Variants in AGAP3 observed in about 807,000 individuals in gnomAD.
AGAP3 encodes arf-GAP with GTPase, ANK repeat and PH domain-containing protein 3.
Under a neutral mutation model 96.9 loss-of-function variants are expected in AGAP3, and 24 were observed. The observed-to-expected ratio is 0.25, with a 90% confidence interval of 0.18 to 0.35. AGAP3 has a LOEUF of 0.35. Among genes scored for constraint, AGAP3 ranks in the 10% least tolerant of loss-of-function variants. AGAP3 has a pLI of 1.00. For synonymous variants in AGAP3, 563 were observed against 536.1 expected, an observed-to-expected ratio of 1.05 and a Z score of -0.69; for missense variants, 876 against 1,254.2, an observed-to-expected ratio of 0.70 and a Z score of 4.55.
rs112088635 is a variant in AGAP3 at position 151,124,114 on chromosome 7, C to T, written c.1221+228C>T. ...CTCTGCCTGTACCTTCTGATCACCA[C>T]CGGAGGGCAGCAGAGAGCTACCTGC... On this transcript the variant is annotated intron_variant, in intron 9 of 17. Transcript: ENST00000397238. Among the ~76,000 whole-genome samples, 412 of 152,332 alleles carry T rather than the reference C, an allele frequency of 2.7e-3. 1 individual carries two copies. Among genetic ancestry groups the T allele is most frequent in the African/African-American group, 9.3e-3 (387 of 41,568 alleles).
chr7:151,134,345 G>C (rs1268222408), intron 10 of AGAP3, 55 bp from the exon 11 acceptor site: 6 of 1,598,154 alleles, frequency 3.8e-6, no homozygotes, highest in Middle Eastern at 1.7e-4. Context: ...AAGGCTCAAC[G>C]CTGGAGTGAC....
chr7:151,138,145 GC>G lies in AGAP3; in HGVS notation c.1504del (p.His502ThrfsTer189). ...AGTCTGACCCTTCCCGCCCCCAGGTGCCCCCCACTCGGCCAGCAGCGCATCC... is the reference window on the plus strand; with the variant it reads ...AGTCTGACCCTTCCCGCCCCCAGGTGCCCCCACTCGGCCAGCAGCGCATCC... ...SNTQLGGGTG[A>X]PHSASSASLH... On this transcript the variant is annotated frameshift_variant, in exon 12 of 18. Transcript: ENST00000397238. LOFTEE classifies it high-confidence loss of function. 6.3e-7 allele frequency: 1 copy of G among 1,593,068 alleles called. No homozygotes were observed.
intron 8 of AGAP3, chr7:151,123,543 T>A (rs1800020775): frequency 1.5e-6 from 2 of 1,321,540 alleles, no homozygotes; most frequent in African/African-American, 1.5e-5. Context: ...GCCCTCGGCC[T>A]CTCTGTCCTT....
intron 1 of AGAP3, among the ~76,000 whole-genome samples, chr7:151,111,075 G>A (rs947715629): frequency 6.6e-6 from 1 of 152,170 alleles, no homozygotes; most frequent in African/African-American, 2.4e-5. Context: ...CCAACTTGGA[G>A]AGCCTGCTGG....
At position 151,138,201 on chromosome 7, in the gene AGAP3, G is replaced by C; in HGVS notation, c.1554G>C (p.Ser518=). Residue 518 remains serine (S), a synonymous_variant, in exon 12 of 18, where the codon TCG becomes TCC. Coordinates refer to ENST00000397238, the MANE Select transcript of AGAP3 (RefSeq NM_031946.7). ...SLHSERPLSS[S]AWAGPRPEGL... ...ACTCTGAGCGCCCCCTCAGCAGCTC[G>C]GCCTGGGCTGGCCCGCGCCCTGAGG... is the stretch of plus-strand genomic sequence containing the variant. The C allele has an allele frequency of 1.9e-6, 3 of 1,610,726 alleles. No homozygotes were observed. The highest frequency in any genetic ancestry group is 2.2e-5 in the East Asian group (1 of 44,752).
rs2150412281 is a variant in AGAP3, at chr7:151,096,043, A to G, written c.331+8971A>G. Among the ~76,000 whole-genome samples the G allele has an allele frequency of 6.6e-6, 1 of 152,342 alleles. No individual in the cohort carries two copies. The highest frequency in any genetic ancestry group is 1.9e-4 in the East Asian group (1 of 5,178). ...AACCCCTCTGTGTCTTAGCTTCGCC[A>G]TTGGTAAAACATGGGCATCCGTTTC... On this transcript the variant is annotated intron_variant, in intron 1 of 17. Transcript: ENST00000397238. This position sits in a 1 kb window ranked among gnomAD's most constrained non-coding sequence, Gnocchi z 4.4.
At position 151,142,040 on chromosome 7, in the gene AGAP3, T is replaced by C. The variant is rs951756931; in HGVS notation, c.1947T>C (p.Ser649=). 1.2e-6 allele frequency: 2 copies of C among 1,613,692 alleles called. No individual in the cohort carries two copies. Among genetic ancestry groups the C allele is most frequent in the Admixed American group, 3.3e-5 (2 of 60,000 alleles). ...QILASLQGCR[S]AKDKTRLGNQ... ...TTGCCAGCCTGCAAGGCTGCCGCAG[T>C]GCCAAGGACAAGGTGGGTACAGAGT... The change falls in exon 14 of 18, where the codon AGT becomes AGC. Residue 649 remains serine (S), a synonymous_variant. Transcript: ENST00000397238. This position sits in a 1 kb window ranked among gnomAD's most constrained non-coding sequence, Gnocchi z 7.5.
rs1387617074 is a variant in AGAP3, at chr7:151,120,004, C to G, written c.987C>G (p.Gly329=). The G allele has an allele frequency of 6.2e-7, 1 of 1,613,102 alleles. No homozygotes were observed. Among genetic ancestry groups the G allele is most frequent in the African/African-American group, 1.3e-5 (1 of 74,932 alleles). ...GTCCTTAGGCCACGAATGGCGGCGG[C>G]AGCGCCTTCAGCGACTACTCGTCCT... is the stretch of plus-strand genomic sequence containing the variant. ...VHINQATNGG[G]SAFSDYSSSV... Residue 329 remains glycine, a synonymous_variant, in exon 8 of 18, where the codon GGC becomes GGG. Coordinates refer to ENST00000397238, the MANE Select transcript of AGAP3 (RefSeq NM_031946.7).
chr7:151,116,890 T>TGG (rs76473497), intron 2 of AGAP3, 39 bp downstream of exon 2: 86 of 1,609,860 alleles, frequency 5.3e-5, no homozygotes, highest in Admixed American at 2.5e-4. Context: ...GGCCTGGAGC[T>TGG]GGGGGGGCGA....
chr7:151,098,865 C>G (rs1271799640), intron 1 of AGAP3, among the ~76,000 whole-genome samples: 1 of 149,370 alleles, frequency 6.7e-6, no homozygotes, highest in Non-Finnish European at 1.5e-5. Flanking sequence ...TCCCGAGTAG[C>G]TGGGATTACA....
intron 1 of AGAP3, among the ~76,000 whole-genome samples, chr7:151,089,213 G>A (rs1040798544): frequency 1.1e-4 from 17 of 152,132 alleles, no homozygotes; most frequent in Non-Finnish European, 2.9e-5. Flanking sequence ...TCCTTCCTGC[G>A]ATAGAACTCC....
chr7:151,105,307 A>T (rs905527016), intron 1 of AGAP3, among the ~76,000 whole-genome samples: 1 of 152,200 alleles, frequency 6.6e-6, no homozygotes, highest in Non-Finnish European at 1.5e-5. Context: ...CTTACTGCAG[A>T]AAAACATAAA....
chr7:151,121,821 T>C (rs1192793838), intron 8 of AGAP3, among the ~76,000 whole-genome samples: 2 of 152,216 alleles, frequency 1.3e-5, no homozygotes, highest in Admixed American at 6.5e-5. Flanking sequence ...TCTGTGGGTG[T>C]ATCTCGGGAC....
chr7:151,116,470 C>T (rs989462710), intron 1 of AGAP3: 11 of 417,640 alleles, frequency 2.6e-5, no homozygotes, highest in African/African-American at 4.0e-5. Flanking sequence ...GCCACAGGGG[C>T]ACTAGGCCAG....
chr7:151,107,361 T>C (rs1430043629), intron 1 of AGAP3, among the ~76,000 whole-genome samples: 1 of 148,672 alleles, frequency 6.7e-6, no homozygotes, highest in African/African-American at 2.5e-5. Flanking sequence ...CGATGGCTCA[T>C]GCCTGTAATC....
At chr7:151,117,209 C>A (rs1799632473) in intron 3 of AGAP3, 27 bp downstream of exon 3, 2 of 1,606,970 alleles carry the variant, frequency 1.2e-6, no homozygotes, top group African/African-American at 2.7e-5. Flanking sequence ...CAGCCTGGGC[C>A]CTGAGGCCGG....
chr7:151,087,748 CGCACCCGGAGTCGG>C (rs150649666), intron 1 of AGAP3, among the ~76,000 whole-genome samples: 1,817 of 152,366 alleles, frequency 0.012, 34 homozygotes, highest in African/African-American at 0.041. Flanking sequence ...CCAGGGACAC[CGCACCCGGAGTCGG>C]GGACCGGAAA....
intron 1 of AGAP3, among the ~76,000 whole-genome samples, chr7:151,104,559 G>T (rs1290558154): frequency 6.6e-6 from 1 of 152,214 alleles, no homozygotes; most frequent in Admixed American, 6.5e-5. Flanking sequence ...AACATGAAAA[G>T]GCGCAACCTC....
chr7:151,138,147 C>T lies in AGAP3; in HGVS notation c.1500C>T (p.Ala500=), dbSNP rs1287437381. The T allele has an allele frequency of 1.9e-6, 3 of 1,595,782 alleles. No homozygotes were observed. In the Admixed American group the frequency reaches 5.2e-5, roughly 27 times the overall value. The change falls in exon 12 of 18, where the codon GCC becomes GCT. Residue 500 remains alanine, a synonymous_variant. Coordinates refer to ENST00000397238, the MANE Select transcript of AGAP3 (RefSeq NM_031946.7). ...SNTQLGGGTG[A]PHSASSASLH... is the part of the protein sequence containing the mutation. ...TCTGACCCTTCCCGCCCCCAGGTGC[C>T]CCCCACTCGGCCAGCAGCGCATCCC... is the stretch of plus-strand genomic sequence containing the variant.
Sources: allele counts gnomAD v4.1 joint callset (sites outside exome capture counted in the v4.1 genomes callset), GRCh38; gene constraint gnomAD v4.1.1; non-coding constraint Gnocchi (gnomAD v3.1); transcripts MANE v1.5; gene names NCBI Gene and HGNC (gene_info 2026-07-23, HGNC 2026-07-21).